ROR1: variants seen among roughly 807,000 people sequenced by gnomAD.
ROR1 encodes inactive tyrosine-protein kinase transmembrane receptor ROR1.
Under a neutral mutation model 78.8 loss-of-function variants are expected in ROR1, and 19 were observed. The observed-to-expected ratio is 0.24, with a 90% CI of 0.17 to 0.35. The LOEUF (loss-of-function observed/expected upper bound fraction) is 0.35. ROR1 is among the 10% of genes least tolerant of loss of function. The pLI is 1.00. For synonymous variants in ROR1, 386 were observed against 433.6 expected (o/e 0.89, Z 1.36); for missense variants, 917 against 1,177.8 (o/e 0.78, Z 3.24).
At chr1:64,048,067 C>G (rs1646798248) in intron 2 of ROR1, among the ~76,000 whole-genome samples, 1 of 152,190 alleles carries the variant, frequency 6.6e-6, no homozygotes, top group Non-Finnish European at 1.5e-5. Flanking sequence ...AATAATGAAT[C>G]AATTATTTTT....
chr1:64,009,130 G>A (rs896731996), intron 1 of ROR1, among the ~76,000 whole-genome samples, 175 bp from the exon 2 acceptor site: 1 of 152,094 alleles, frequency 6.6e-6, no homozygotes, highest in African/African-American at 2.4e-5. Context: ...CTAAAATGCA[G>A]GCGCCTCTAC....
chr1:63,876,409 A>G (rs1383036665), intron 1 of ROR1, among the ~76,000 whole-genome samples: 2 of 152,124 alleles, frequency 1.3e-5, no homozygotes, highest in Non-Finnish European at 2.9e-5. Flanking sequence ...ATCAACTCTG[A>G]TTTCCAAAAC....
intron 1 of ROR1, among the ~76,000 whole-genome samples, chr1:63,924,444 G>A (rs1286506636): frequency 5.9e-5 from 9 of 152,034 alleles, no homozygotes; most frequent in South Asian, 2.1e-4. Context: ...CTATATTCAA[G>A]CCGAGGTTTG....
chr1:64,007,967 T>C (rs1260484501), intron 1 of ROR1, among the ~76,000 whole-genome samples: 1 of 151,842 alleles, frequency 6.6e-6, no homozygotes, highest in Non-Finnish European at 1.5e-5. Context: ...TTTTTTTTTT[T>C]TTTTTGCAAT....
At chr1:64,096,908 GTT>G (rs35198323) in intron 4 of ROR1, among the ~76,000 whole-genome samples, 89,820 of 147,012 alleles carry the variant, frequency 0.61, 28,269 homozygotes, top group African/African-American at 0.81. Context: ...ACCAGCATCT[GTT>G]TTTTTTTTTT....
intron 1 of ROR1, among the ~76,000 whole-genome samples, chr1:63,813,974 C>T (rs1266284900): frequency 6.6e-6 from 1 of 152,230 alleles, no homozygotes; most frequent in Non-Finnish European, 1.5e-5. Flanking sequence ...TCTGCTTCTT[C>T]TGTTGCCAAT....
At position 64,180,727 on chromosome 1, in the gene ROR1, ACAAT is replaced by A. The variant is rs1164250669; in HGVS notation, c.*1877_*1880del. The A allele has an allele frequency of 1.3e-5, 2 of 152,300 alleles. No individual in the cohort carries two copies. The highest frequency in any genetic ancestry group is 1.9e-4 in the East Asian group (1 of 5,194). 9.4% of individuals were successfully genotyped at this position (152,300 alleles called of 1,614,324 possible). ...AAACCACAATTTTGTATATCATATG[ACAAT>A]CAATTGTTTTCCAAGAATATTTATT... On this transcript the variant is annotated 3_prime_UTR_variant, in exon 9 of 9. Transcript: ENST00000371079.
intron 4 of ROR1, among the ~76,000 whole-genome samples, chr1:64,053,638 C>G (rs1201438586): frequency 6.6e-6 from 1 of 152,172 alleles, no homozygotes; most frequent in African/African-American, 2.4e-5. Flanking sequence ...TATCTTCCCA[C>G]AGTGTCAAAT....
At chr1:63,971,062 G>T (rs1251492650) in intron 1 of ROR1, among the ~76,000 whole-genome samples, 1 of 152,206 alleles carries the variant, frequency 6.6e-6, no homozygotes, top group Non-Finnish European at 1.5e-5. Context: ...AGCCAGTACA[G>T]ATGGGGGTCA....
At chr1:63,893,000 A>C (rs1001687120) in intron 1 of ROR1, among the ~76,000 whole-genome samples, 3 of 152,198 alleles carry the variant, frequency 2.0e-5, no homozygotes, top group African/African-American at 7.2e-5. Context: ...GGCAGAAGAA[A>C]GCAAAAAGCA....
At chr1:64,167,529 A>T (rs539629611) in intron 8 of ROR1, among the ~76,000 whole-genome samples, 1 of 152,218 alleles carries the variant, frequency 6.6e-6, no homozygotes, top group Non-Finnish European at 1.5e-5. Flanking sequence ...TCCCAAAACA[A>T]AATGGCTGTG....
At chr1:63,997,645 G>T (rs1646347850) in intron 1 of ROR1, among the ~76,000 whole-genome samples, 1 of 147,628 alleles carries the variant, frequency 6.8e-6, no homozygotes, top group South Asian at 2.2e-4. Flanking sequence ...TACCCTGGTG[G>T]TTTGTAGAGG....
chr1:64,059,439 G>A (rs560935699), intron 4 of ROR1, among the ~76,000 whole-genome samples: 7 of 152,140 alleles, frequency 4.6e-5, no homozygotes, highest in South Asian at 4.2e-4. Flanking sequence ...AGCCAGGTGC[G>A]GTGGCTCATG....
intron 1 of ROR1, among the ~76,000 whole-genome samples, chr1:63,879,624 A>G (rs183899178): frequency 6.6e-6 from 1 of 152,334 alleles, no homozygotes; most frequent in East Asian, 1.9e-4. Context: ...TGTATAATGC[A>G]TACCAATAAA....
At chr1:64,176,788 G>A (rs752808970) in intron 8 of ROR1, among the ~76,000 whole-genome samples, 2 of 152,206 alleles carry the variant, frequency 1.3e-5, no homozygotes, top group Non-Finnish European at 2.9e-5. Context: ...ACTTCAGAAG[G>A]ACAATCTTTT....
chr1:63,969,717 G>A (rs1042758783), intron 1 of ROR1, among the ~76,000 whole-genome samples: 14 of 151,910 alleles, frequency 9.2e-5, no homozygotes, highest in Admixed American at 6.6e-5. Context: ...TCCCCCTCCC[G>A]TGTTGATCTC....
rs1470329469 is a variant in ROR1, at chr1:64,126,400, C to G, written c.483-10969C>G. ...GTGAGAAAGAGATAATGCAATCTAC[C>G]TATTAGCTCATCATTCTATGGCAAC... On this transcript the variant is annotated intron_variant, in intron 4 of 8. Transcript: ENST00000371079. 2.6e-5 allele frequency among the ~76,000 whole-genome samples: 4 copies of G among 152,046 alleles called. No homozygotes were observed. In the East Asian group the frequency reaches 5.8e-4, roughly 22 times the overall value.
chr1:63,815,508 C>T (rs1332017522), intron 1 of ROR1, among the ~76,000 whole-genome samples: 6 of 108,370 alleles, frequency 5.5e-5, no homozygotes, highest in African/African-American at 1.3e-4. Flanking sequence ...TTTGAGTACT[C>T]ATGAAAGGAA....
chr1:63,808,815 A>G (rs553234623), intron 1 of ROR1, among the ~76,000 whole-genome samples: 2 of 151,540 alleles, frequency 1.3e-5, no homozygotes, highest in Non-Finnish European at 2.9e-5. Context: ...CAGCAGTCAC[A>G]TATAAGAAAA....
Sources: allele counts gnomAD v4.1 joint callset (sites outside exome capture counted in the v4.1 genomes callset), GRCh38; gene constraint gnomAD v4.1.1; transcripts MANE v1.5; gene names NCBI Gene and HGNC (gene_info 2026-07-23, HGNC 2026-07-21).